Variants in CREBRF observed in about 807,000 individuals in gnomAD.
The protein encoded by CREBRF is UPF0474 protein C5orf41.
CREBRF carries 5 observed loss-of-function variants against 66.1 expected under a neutral mutation model. The ratio of observed to expected loss-of-function variants is 0.08; its 90% confidence interval spans 0.04 to 0.16. CREBRF has a LOEUF of 0.16. Among genes scored for constraint, CREBRF ranks in the 10% least tolerant of loss-of-function variants. The pLI is 1.00. For missense variants in CREBRF, 531 were observed against 744.9 expected, an observed-to-expected ratio of 0.71 and a Z score of 3.34; for synonymous variants, 229 against 264.4, an observed-to-expected ratio of 0.87 and a Z score of 1.30.
chr5:173,112,491 GCCT>G (rs1370716988), intron 7 of CREBRF, 112 bp downstream of exon 7: 2 of 680,622 alleles, frequency 2.9e-6, no homozygotes, highest in Admixed American at 6.0e-5. Flanking sequence ...TTTTTGGCTA[GCCT>G]CCTATTTGTT....
intron 4 of CREBRF, 112 bp downstream of exon 4, chr5:173,091,513 T>A: frequency 6.7e-7 from 1 of 1,493,786 alleles, no homozygotes; most frequent in Non-Finnish European, 8.9e-7. Context: ...GTTTGGGAAT[T>A]AAATGACTTA....
chr5:173,118,428 T>C (rs1397308718), intron 7 of CREBRF, among the ~76,000 whole-genome samples: 1 of 152,204 alleles, frequency 6.6e-6, no homozygotes, highest in Non-Finnish European at 1.5e-5. Context: ...ACTCCAGCAT[T>C]TACAAATCTT....
At chr5:173,129,307 G>A (rs1253959983) in intron 8 of CREBRF, among the ~76,000 whole-genome samples, 1 of 149,142 alleles carries the variant, frequency 6.7e-6, no homozygotes, top group Non-Finnish European at 1.5e-5. Context: ...TAGTAGAGAC[G>A]AGGTTTCACC....
chr5:173,133,613 T>C lies in CREBRF; in HGVS notation c.1805-17T>C. ...TCCATTTTTGTGTCTAGATGTGCCT[T>C]TTATTCTTCTCTTCAGGTCTACCAG... On this transcript the variant is annotated splice_polypyrimidine_tract_variant and intron_variant, in intron 8 of 8. Coordinates refer to ENST00000296953, the MANE Select transcript of CREBRF (RefSeq NM_153607.3). 1.3e-6 allele frequency: 2 copies of C among 1,500,946 alleles called. No individual in the cohort carries two copies. The highest frequency in any genetic ancestry group is 1.8e-6 in the Non-Finnish European group (2 of 1,081,408). The allele number at this position is 1,500,946 out of a possible 1,614,324, so 93.0% of individuals were successfully genotyped here. A position where few individuals can be genotyped will look rare whatever the true frequency, so the allele number is the denominator to read the frequency against.
At chr5:173,100,889 T>C (rs2113757439) in intron 4 of CREBRF, among the ~76,000 whole-genome samples, 1 of 152,340 alleles carries the variant, frequency 6.6e-6, no homozygotes. Context: ...CTCACTGTGT[T>C]ACTCAGGCTG....
chr5:173,121,666 G>A (rs1240979402), intron 7 of CREBRF, among the ~76,000 whole-genome samples: 1 of 152,076 alleles, frequency 6.6e-6, no homozygotes, highest in African/African-American at 2.4e-5. Flanking sequence ...TTTTCAAGGT[G>A]GGGAAATCTG....
intron 2 of CREBRF, 61 bp from the exon 3 acceptor site, chr5:173,086,440 T>C (rs1418852896): frequency 1.3e-6 from 2 of 1,503,160 alleles, no homozygotes; most frequent in Admixed American, 3.5e-5. Context: ...GGGGCTCATA[T>C]GTGATAAATT....
chr5:173,085,892 A>G, intron 2 of CREBRF: 1 of 871,870 alleles, frequency 1.1e-6, no homozygotes, highest in African/African-American at 1.6e-5. Context: ...GGTCCCAACA[A>G]GCAAGAAAGG....
At chr5:173,120,790 T>C (rs1264543022) in intron 7 of CREBRF, among the ~76,000 whole-genome samples, 1 of 139,968 alleles carries the variant, frequency 7.1e-6, no homozygotes, top group East Asian at 2.2e-4. Flanking sequence ...GCCTCCCAGC[T>C]TCAAGCGATT....
chr5:173,086,158 A>G (rs1581675776), intron 2 of CREBRF: 2 of 780,740 alleles, frequency 2.6e-6, no homozygotes, highest in Admixed American at 1.7e-5. Flanking sequence ...ATCAGGAGAC[A>G]TGTTTTGCCA....
At chr5:173,088,692 A>T (rs900747726) in intron 3 of CREBRF, among the ~76,000 whole-genome samples, 3 of 152,112 alleles carry the variant, frequency 2.0e-5, no homozygotes, top group African/African-American at 7.2e-5. Context: ...TGAGGTAAAT[A>T]GACACTTAAA....
At chr5:173,115,327 G>A (rs888805155) in intron 7 of CREBRF, among the ~76,000 whole-genome samples, 1 of 151,906 alleles carries the variant, frequency 6.6e-6, no homozygotes, top group African/African-American at 2.4e-5. Context: ...GGCTGGTGTC[G>A]AACTCCCGAC....
chr5:173,098,786 A>T (rs1388245671), intron 4 of CREBRF, among the ~76,000 whole-genome samples: 1 of 151,748 alleles, frequency 6.6e-6, no homozygotes, highest in Admixed American at 6.6e-5. Context: ...GAGTACATAC[A>T]TTTACTATGT....
intron 1 of CREBRF, among the ~76,000 whole-genome samples, chr5:173,064,018 G>A (rs1001070888): frequency 2.6e-5 from 4 of 152,128 alleles, no homozygotes; most frequent in African/African-American, 9.7e-5. Context: ...CAATGCACTG[G>A]CCTAAAGTTT....
chr5:173,121,212 T>C (rs1165853955), intron 7 of CREBRF, among the ~76,000 whole-genome samples: 1 of 152,246 alleles, frequency 6.6e-6, no homozygotes, highest in African/African-American at 2.4e-5. Flanking sequence ...TCAGTGTTAT[T>C]GATCATTTCA....
chr5:173,116,306 A>G (rs558709163), intron 7 of CREBRF, among the ~76,000 whole-genome samples: 5 of 152,222 alleles, frequency 3.3e-5, no homozygotes, highest in Non-Finnish European at 7.3e-5. Flanking sequence ...ACATATACGC[A>G]TACATATGTG....
At position 173,080,631 on chromosome 5, in the gene CREBRF, A is replaced by G. The variant is rs1757913668; in HGVS notation, c.-145A>G. On this transcript the variant is annotated 5_prime_UTR_variant, in exon 2 of 9. Coordinates refer to ENST00000296953, the MANE Select transcript of CREBRF (RefSeq NM_153607.3). ...TTAAAAAAAAGCAGTGATCCAAGCA[A>G]TTGAATTGGAAGCACTCTGGGGAAA... is the stretch of plus-strand genomic sequence containing the variant. 1.4e-6 allele frequency: 1 copy of G among 708,932 alleles called. No homozygotes were observed. Among genetic ancestry groups the G allele is most frequent in the South Asian group, 1.8e-5 (1 of 54,120 alleles). 43.9% of individuals were successfully genotyped at this position (708,932 alleles called of 1,614,324 possible). A position where few individuals can be genotyped will look rare whatever the true frequency, so the allele number is the denominator to read the frequency against.
In CREBRF at chr5:173,119,543, C is replaced by T. The variant is rs1759086417; in HGVS notation, c.1682-3537C>T. On this transcript the variant is annotated intron_variant, in intron 7 of 8. Coordinates refer to ENST00000296953, the MANE Select transcript of CREBRF (RefSeq NM_153607.3). ...AGTTCCAGTAGTAGGTATGTAGATTCCCTGGGATTTTCTGCTGACACAGTC... is the reference window on the plus strand; with the variant it reads ...AGTTCCAGTAGTAGGTATGTAGATTTCCTGGGATTTTCTGCTGACACAGTC... Among the ~76,000 whole-genome samples the T allele has an allele frequency of 2.6e-5, 4 of 152,046 alleles. No individual in the cohort carries two copies. The South Asian group carries it at 6.2e-4, about 24-fold the overall frequency.
chr5:173,062,894 C>T (rs1431295941), intron 1 of CREBRF, among the ~76,000 whole-genome samples: 1 of 151,476 alleles, frequency 6.6e-6, no homozygotes, highest in African/African-American at 2.4e-5. Flanking sequence ...ACTACAGGCG[C>T]CCGCCACTAC....
Sources: allele counts gnomAD v4.1 joint callset (sites outside exome capture counted in the v4.1 genomes callset), GRCh38; gene constraint gnomAD v4.1.1; transcripts MANE v1.5; gene names NCBI Gene and HGNC (gene_info 2026-07-23, HGNC 2026-07-21).